Variants in STUM observed in about 807,000 individuals in gnomAD.
STUM encodes the protein protein stum homolog.
In STUM, 8 loss-of-function variants were observed where a neutral mutation model predicts 15.3. The observed-to-expected ratio is 0.52, with a 90% CI of 0.31 to 0.94. The LOEUF (loss-of-function observed/expected upper bound fraction) is 0.94, where lower values mean the gene tolerates loss of function less well. STUM is among the 40% of genes least tolerant of loss of function. The pLI is 0.05. For synonymous variants in STUM, 78 were observed against 88.7 expected (o/e 0.88, Z 0.68); for missense variants, 142 against 204.9 (o/e 0.69, Z 1.87).
intron 1 of STUM, among the ~76,000 whole-genome samples, chr1:226,587,335 C>T (rs945170495): frequency 6.6e-6 from 1 of 152,124 alleles, no homozygotes; most frequent in Non-Finnish European, 1.5e-5. Flanking sequence ...CTTCTGTCCT[C>T]GGAAGGAAGG....
At chr1:226,555,607 GCCTCCACGTTCT>G (rs1667434645) in intron 1 of STUM, among the ~76,000 whole-genome samples, 1 of 152,210 alleles carries the variant, frequency 6.6e-6, no homozygotes, top group Non-Finnish European at 1.5e-5. Context: ...TCTGATTCAA[GCCTCCACGTTCT>G]CCTGTATTAC....
At position 226,600,704 on chromosome 1, in the gene STUM, G is replaced by C. The variant is rs763845118; in HGVS notation, c.391+30G>C. On this transcript the variant is annotated intron_variant, in intron 3 of 3. Coordinates refer to ENST00000366788, the MANE Select transcript of STUM (RefSeq NM_001003665.4). The surrounding 1 kb of genome is among the most constrained non-coding windows in gnomAD (Gnocchi z 5.2). ...GTCTGCGGATGGACGTGCGGGCCTC[G>C]TGCTGCTGCTTGGGGCCCTCCCCTC... 4 of 1,608,946 alleles carry C rather than the reference G, an allele frequency of 2.5e-6. No individual in the cohort carries two copies. The African/African-American group carries it at 4.0e-5, about 16-fold the overall frequency.
chr1:226,556,987 A>C (rs1253134105), intron 1 of STUM, among the ~76,000 whole-genome samples: 1 of 152,234 alleles, frequency 6.6e-6, no homozygotes, highest in Non-Finnish European at 1.5e-5. Context: ...TGGTGAGGAC[A>C]TTTGAAGTTT....
rs989783148 is a variant in STUM, at chr1:226,605,550, G to C, written c.*3510G>C. 6.6e-6 allele frequency: 1 copy of C among 152,104 alleles called. No individual in the cohort carries two copies. Among genetic ancestry groups the C allele is most frequent in the African/African-American group, 2.4e-5 (1 of 41,418 alleles). 9.4% of individuals were successfully genotyped at this position (152,104 alleles called of 1,614,324 possible). ...TAGTGATACAATCCCACCTGTGTCT[G>C]GATTGTGTCACTAAACATGCAACAT... On this transcript the variant is annotated 3_prime_UTR_variant, in exon 4 of 4. Coordinates refer to ENST00000366788, the MANE Select transcript of STUM (RefSeq NM_001003665.4). This position sits in a 1 kb window ranked among gnomAD's most constrained non-coding sequence, Gnocchi z 4.0.
chr1:226,549,682 C>T lies in STUM; in HGVS notation c.202+576C>T, dbSNP rs368978925. Among the ~76,000 whole-genome samples the T allele has an allele frequency of 2.1e-4, 32 of 152,316 alleles. No individual in the cohort carries two copies. The East Asian group carries it at 4.3e-3, about 20-fold the overall frequency. On this transcript the variant is annotated intron_variant, in intron 1 of 3. Coordinates refer to ENST00000366788, the MANE Select transcript of STUM (RefSeq NM_001003665.4). This position sits in a 1 kb window ranked among gnomAD's most constrained non-coding sequence, Gnocchi z 6.8. ...GTCTCCTCCGCCTCATTCAGGGGTA[C>T]CTGCACTTCCGCCAGCACCCCGCAG...
rs367910519 is a variant in STUM, at chr1:226,577,693, G to T, written c.203-19109G>T. Among the ~76,000 whole-genome samples the T allele has an allele frequency of 5.3e-5, 8 of 152,288 alleles. No homozygotes were observed. In the East Asian group the frequency reaches 9.7e-4, roughly 18 times the overall value. On this transcript the variant is annotated intron_variant, in intron 1 of 3. Transcript: ENST00000366788. The stretch of plus-strand genomic sequence containing the variant: ...GTAAGGGCAACTGAAAGGGAGGGGG[G>T]GCCAGCAGCAGCCGCTCTTACTGTG...
At chr1:226,578,990 T>C (rs1447252611) in intron 1 of STUM, among the ~76,000 whole-genome samples, 4 of 152,228 alleles carry the variant, frequency 2.6e-5, no homozygotes, top group African/African-American at 9.6e-5. Flanking sequence ...AAGTGAGTGC[T>C]GCGGCTGGAA....
chr1:226,573,973 T>C (rs1667764305), intron 1 of STUM, among the ~76,000 whole-genome samples: 1 of 152,166 alleles, frequency 6.6e-6, no homozygotes, highest in African/African-American at 2.4e-5. Flanking sequence ...TAGCTGGGAT[T>C]ACAGGTGCAC....
In STUM at chr1:226,602,065, C is replaced by T. The variant is rs1416245387; in HGVS notation, c.*25C>T. ...AGCCCACGGGAGCCGCTGGGGAGATCCAGGGGGGCCCTGTGAGGGCTGCAC... is the reference window on the plus strand; with the variant it reads ...AGCCCACGGGAGCCGCTGGGGAGATTCAGGGGGGCCCTGTGAGGGCTGCAC... On this transcript the variant is annotated 3_prime_UTR_variant, in exon 4 of 4. Coordinates refer to ENST00000366788, the MANE Select transcript of STUM (RefSeq NM_001003665.4). The T allele has an allele frequency of 1.3e-6, 2 of 1,597,670 alleles. No individual in the cohort carries two copies. Among genetic ancestry groups the T allele is most frequent in the Admixed American group, 1.7e-5 (1 of 59,804 alleles).
intron 1 of STUM, among the ~76,000 whole-genome samples, chr1:226,564,082 T>C (rs867375622): frequency 1.3e-5 from 2 of 152,274 alleles, no homozygotes; most frequent in East Asian, 1.9e-4. Flanking sequence ...TGGGAATTGA[T>C]TGGGGCTAAA....
intron 1 of STUM, among the ~76,000 whole-genome samples, chr1:226,560,007 C>T (rs1263741088): frequency 9.9e-5 from 15 of 151,020 alleles, no homozygotes; most frequent in Admixed American, 2.0e-4. Flanking sequence ...GGTATGATGG[C>T]GGGCGCCTGT....
rs909495895 is a variant in STUM at position 226,548,913 on chromosome 1, C to T, written c.9C>T (p.Pro3=). 309 of 1,421,890 alleles carry T rather than the reference C, an allele frequency of 2.2e-4. No individual in the cohort carries two copies. Among genetic ancestry groups the T allele is most frequent in the Non-Finnish European group, 2.7e-4 (298 of 1,095,832 alleles). The allele number at this position is 1,421,890 out of a possible 1,614,324, so 88.1% of individuals were successfully genotyped here. The part of the protein sequence containing the change: ME[P]SHKDAETAAA... ...TGAGAGCGCGCCCGGCCATGGAGCC[C>T]TCGCACAAAGACGCCGAGACGGCGG... The change falls in exon 1 of 4, where the codon CCC becomes CCT. Residue 3 remains proline, a synonymous_variant. Coordinates refer to ENST00000366788, the MANE Select transcript of STUM (RefSeq NM_001003665.4).
chr1:226,596,642 T>A (rs1189110776), intron 1 of STUM, among the ~76,000 whole-genome samples, 160 bp from the exon 2 acceptor site: 3 of 152,106 alleles, frequency 2.0e-5, no homozygotes, highest in Non-Finnish European at 2.9e-5. Context: ...TGGGCCAGGG[T>A]CTGGGCAGGG....
At chr1:226,601,851 A>C (rs1558288787) in intron 3 of STUM, 155 bp from the exon 4 acceptor site, 4 of 671,648 alleles carry the variant, frequency 6.0e-6, no homozygotes, top group Admixed American at 4.2e-5. Flanking sequence ...TAGAAAGTCA[A>C]AGCCCTTGGG....
intron 1 of STUM, among the ~76,000 whole-genome samples, chr1:226,585,983 G>A (rs934082819): frequency 1.4e-5 from 1 of 72,506 alleles, no homozygotes; most frequent in African/African-American, 8.3e-5. Flanking sequence ...TCACATGGTG[G>A]GGAGGGAGAG....
chr1:226,571,042 T>A (rs1482016442), intron 1 of STUM, among the ~76,000 whole-genome samples: 6 of 151,880 alleles, frequency 4.0e-5, no homozygotes. Context: ...ACCAGCCTGG[T>A]CAAAATGGTG....
chr1:226,569,707 A>G (rs1667676723), intron 1 of STUM, among the ~76,000 whole-genome samples: 1 of 152,100 alleles, frequency 6.6e-6, no homozygotes, highest in African/African-American at 2.4e-5. Context: ...AATGTAACGT[A>G]CCCCCAAAGC....
intron 1 of STUM, among the ~76,000 whole-genome samples, chr1:226,582,527 G>A (rs773185512): frequency 6.6e-6 from 1 of 151,846 alleles, no homozygotes; most frequent in African/African-American, 2.4e-5. Context: ...CCTGGGAGGT[G>A]GAGGTTGCAG....
Position 226,599,508 on chromosome 1 carries a change from G to GT in STUM, c.383-1157dup, listed in dbSNP as rs368563626. The stretch of plus-strand genomic sequence containing the variant: ...GTTGGATAAGGGACTCTTCTTTCTG[G>GT]TGTCAGTCCAGCCCCTTGCTATAAA... On this transcript the variant is annotated intron_variant, in intron 2 of 3. Transcript: ENST00000366788. Among the ~76,000 whole-genome samples, 729 of 152,304 alleles carry GT rather than the reference G, an allele frequency of 4.8e-3. 2 individuals are homozygous for GT. The highest frequency in any genetic ancestry group is 7.6e-3 in the Non-Finnish European group (516 of 68,024).
Sources: allele counts gnomAD v4.1 joint callset (sites outside exome capture counted in the v4.1 genomes callset), GRCh38; gene constraint gnomAD v4.1.1; non-coding constraint Gnocchi (gnomAD v3.1); transcripts MANE v1.5; gene names NCBI Gene and HGNC (gene_info 2026-07-23, HGNC 2026-07-21).